The following CCDC192 variants were observed in gnomAD, a reference collection of about 807,000 sequenced individuals.
CCDC192 encodes the protein coiled-coil domain-containing protein 192.
intron 5 of CCDC192, 49 bp from the exon 6 acceptor site, chr5:127,875,489 G>T: frequency 2.5e-6 from 1 of 395,452 alleles, no homozygotes; most frequent in Non-Finnish European, 4.5e-6. Context: ...TTATTTCTTT[G>T]ATGCGTCTGT....
At chr5:127,780,294 G>A (rs530490009) in intron 3 of CCDC192, among the ~76,000 whole-genome samples, 6 of 152,092 alleles carry the variant, frequency 3.9e-5, no homozygotes, top group South Asian at 2.1e-4. Context: ...TATCTTTTTC[G>A]TACAACGACT....
At chr5:127,768,490 C>T (rs1422524024) in intron 3 of CCDC192, among the ~76,000 whole-genome samples, 1 of 152,148 alleles carries the variant, frequency 6.6e-6, no homozygotes, top group Non-Finnish European at 1.5e-5. Flanking sequence ...CCTCACAGCC[C>T]TCAGAGGGAG....
At chr5:127,760,535 T>A (rs531901118) in intron 3 of CCDC192, among the ~76,000 whole-genome samples, 2 of 151,730 alleles carry the variant, frequency 1.3e-5, no homozygotes, top group South Asian at 4.2e-4. Flanking sequence ...AACCCAGATC[T>A]TCAGGCTGAG....
chr5:127,895,593 A>G (rs1752857818), intron 6 of CCDC192, among the ~76,000 whole-genome samples: 1 of 152,220 alleles, frequency 6.6e-6, no homozygotes, highest in South Asian at 2.1e-4. Context: ...TAATCCCAGC[A>G]CTTTGGGAGG....
At chr5:127,760,079 T>C (rs1754825532) in intron 3 of CCDC192, among the ~76,000 whole-genome samples, 1 of 152,046 alleles carries the variant, frequency 6.6e-6, no homozygotes, top group African/African-American at 2.4e-5. Context: ...CAAAATATAG[T>C]TACATATGAG....
intron 2 of CCDC192, among the ~76,000 whole-genome samples, chr5:127,709,642 A>C (rs1751207471): frequency 6.6e-6 from 1 of 152,236 alleles, no homozygotes; most frequent in Non-Finnish European, 1.5e-5. Flanking sequence ...CTCTTGAAGA[A>C]ATATTAGCCA....
chr5:127,871,299 A>G lies in CCDC192; in HGVS notation c.412-4239A>G, dbSNP rs952167259. On this transcript the variant is annotated intron_variant, in intron 5 of 6. Transcript: ENST00000514853. ...CAGAAAACTTAATTTCTAAAAAAAG[A>G]AGAAGAAATGAAACATCTTGCTTTC... Among the ~76,000 whole-genome samples, 7 of 152,376 alleles carry G rather than the reference A, an allele frequency of 4.6e-5. No individual in the cohort carries two copies. In the South Asian group the frequency reaches 6.2e-4, roughly 14 times the overall value.
At chr5:127,733,828 C>G (rs187020737) in intron 2 of CCDC192, among the ~76,000 whole-genome samples, 47 of 150,806 alleles carry the variant, frequency 3.1e-4, no homozygotes, top group African/African-American at 1.1e-3. Context: ...TCATTCTCAT[C>G]CACATTGAAG....
chr5:127,852,744 G>T (rs984303002), intron 5 of CCDC192, among the ~76,000 whole-genome samples: 2 of 152,140 alleles, frequency 1.3e-5, no homozygotes, highest in African/African-American at 4.8e-5. Flanking sequence ...ACTATCATCA[G>T]TTACCCATTA....
chr5:127,722,233 C>T (rs140505129), intron 2 of CCDC192, among the ~76,000 whole-genome samples: 68 of 151,906 alleles, frequency 4.5e-4, no homozygotes, highest in Non-Finnish European at 7.9e-4. Flanking sequence ...AGCACTTCTT[C>T]GTATGGCTGT....
intron 2 of CCDC192, 74 bp from the exon 3 acceptor site, chr5:127,754,194 G>A (rs1277378056): frequency 5.1e-6 from 2 of 395,230 alleles, no homozygotes; most frequent in Non-Finnish European, 8.9e-6. Flanking sequence ...ATCTTATCAA[G>A]TCCATAAGAT....
intron 2 of CCDC192, among the ~76,000 whole-genome samples, chr5:127,724,389 A>G (rs1752192336): frequency 1.3e-5 from 2 of 152,148 alleles, no homozygotes; most frequent in African/African-American, 2.4e-5. Context: ...CTTCCAAATT[A>G]TAGCAGCATT....
chr5:127,802,896 G>A (rs552811135), intron 5 of CCDC192, among the ~76,000 whole-genome samples: 1 of 152,160 alleles, frequency 6.6e-6, no homozygotes, highest in African/African-American at 2.4e-5. Context: ...ATTGTATTCT[G>A]TGAAGATGTC....
chr5:127,920,011 C>T (rs1481958345), intron 6 of CCDC192, among the ~76,000 whole-genome samples: 2 of 152,232 alleles, frequency 1.3e-5, no homozygotes, highest in Non-Finnish European at 2.9e-5. Context: ...TTGGATCTGA[C>T]AGACTTATGT....
rs73783990 is a variant in CCDC192 at position 127,833,014 on chromosome 5, G to A, written c.411+34852G>A. Among the ~76,000 whole-genome samples, 489 of 152,190 alleles carry A rather than the reference G, an allele frequency of 3.2e-3. 7 individuals are homozygous for A. The highest frequency in any genetic ancestry group is 0.011 in the African/African-American group (468 of 41,552). On this transcript the variant is annotated intron_variant, in intron 5 of 6. Coordinates refer to ENST00000514853, the MANE Select transcript of CCDC192 (RefSeq NM_001317938.2). ...TAGAATTTGAGGGAAAAATTTAATC[G>A]TGGCCACATTAAAAGGCTTAGCCCT...
At chr5:127,734,387 A>G (rs1344310503) in intron 2 of CCDC192, among the ~76,000 whole-genome samples, 1 of 151,832 alleles carries the variant, frequency 6.6e-6, no homozygotes, top group Non-Finnish European at 1.5e-5. Flanking sequence ...CAATAAACAT[A>G]CGTGTGCATG....
At chr5:127,753,986 A>C (rs1754411266) in intron 2 of CCDC192, among the ~76,000 whole-genome samples, 1 of 152,216 alleles carries the variant, frequency 6.6e-6, no homozygotes, top group African/African-American at 2.4e-5. Context: ...AAAAGTTTCA[A>C]AGTAGTCAAA....
chr5:127,852,102 GT>G (rs1750821808), intron 5 of CCDC192, among the ~76,000 whole-genome samples: 2 of 152,162 alleles, frequency 1.3e-5, no homozygotes, highest in South Asian at 4.1e-4. Flanking sequence ...TGCTCAAAAT[GT>G]TTTCCACGAT....
chr5:127,878,197 G>A (rs1752157400), intron 6 of CCDC192, among the ~76,000 whole-genome samples: 1 of 152,212 alleles, frequency 6.6e-6, no homozygotes, highest in South Asian at 2.1e-4. Flanking sequence ...ATAATCTCCA[G>A]GGAAGAAAGA....
Sources: allele counts gnomAD v4.1 joint callset (sites outside exome capture counted in the v4.1 genomes callset), GRCh38; gene constraint gnomAD v4.1.1; transcripts MANE v1.5; gene names NCBI Gene and HGNC (gene_info 2026-07-23, HGNC 2026-07-21).